The following FER variants were observed in gnomAD, a reference collection of about 807,000 sequenced individuals.
The protein encoded by FER is tyrosine-protein kinase Fer.
In FER, 63 loss-of-function variants were observed where a neutral mutation model predicts 111.0. The ratio of observed to expected loss-of-function variants is 0.57; its 90% confidence interval spans 0.46 to 0.70. The LOEUF (loss-of-function observed/expected upper bound fraction) is 0.70. FER is among the 30% of genes least tolerant of loss of function. The pLI is 0.00. For synonymous variants in FER, 327 were observed against 313.9 expected (o/e 1.04, Z -0.44); for missense variants, 914 against 954.0 (o/e 0.96, Z 0.55).
At chr5:108,772,519 G>C (rs1753039773) in intron 2 of FER, among the ~76,000 whole-genome samples, 1 of 151,030 alleles carries the variant, frequency 6.6e-6, no homozygotes, top group Non-Finnish European at 1.5e-5. Context: ...TCTGGGAATT[G>C]CCTGGTTTCT....
At chr5:108,968,933 T>C (rs185882727) in intron 13 of FER, among the ~76,000 whole-genome samples, 332 of 152,226 alleles carry the variant, frequency 2.2e-3, no homozygotes, top group African/African-American at 7.5e-3. Context: ...ATATTAAAGT[T>C]GATTTGCCCC....
chr5:108,772,498 T>C (rs1038787600), intron 2 of FER, among the ~76,000 whole-genome samples: 2 of 152,124 alleles, frequency 1.3e-5, no homozygotes, highest in African/African-American at 4.8e-5. Flanking sequence ...TTGTATGTAC[T>C]TAACATCTCT....
intron 16 of FER, among the ~76,000 whole-genome samples, chr5:109,088,958 C>G (rs181878596): frequency 6.6e-6 from 1 of 152,144 alleles, no homozygotes; most frequent in African/African-American, 2.4e-5. Context: ...AGGATAGTGA[C>G]TCACAAAGTT....
chr5:108,764,055 A>G (rs1172190531), intron 1 of FER, among the ~76,000 whole-genome samples: 1 of 152,148 alleles, frequency 6.6e-6, no homozygotes, highest in African/African-American at 2.4e-5. Context: ...GCGAGAAGGA[A>G]TATGCTGATT....
At chr5:109,043,965 G>A (rs566889479) in intron 14 of FER, among the ~76,000 whole-genome samples, 74 of 151,072 alleles carry the variant, frequency 4.9e-4, no homozygotes, top group Non-Finnish European at 7.1e-4. Context: ...GTGAGACTCT[G>A]TCTCAGAAAA....
chr5:108,998,094 C>T (rs1179021122), intron 13 of FER, among the ~76,000 whole-genome samples: 2 of 151,408 alleles, frequency 1.3e-5, no homozygotes, highest in African/African-American at 4.9e-5. Context: ...ACCTGCCGTA[C>T]CAGACCACTT....
At chr5:108,939,712 A>C (rs1356933590) in intron 10 of FER, among the ~76,000 whole-genome samples, 6 of 151,990 alleles carry the variant, frequency 3.9e-5, no homozygotes, top group African/African-American at 1.4e-4. Context: ...CTTTATTTAA[A>C]AATTTTAATT....
intron 10 of FER, among the ~76,000 whole-genome samples, chr5:108,909,925 T>G (rs1192308502): frequency 6.6e-6 from 1 of 151,786 alleles, no homozygotes; most frequent in Non-Finnish European, 1.5e-5. Context: ...TACTCAAATA[T>G]TTTTAAAAAG....
In FER at chr5:108,781,921, T is replaced by G. The variant is rs865968460; in HGVS notation, c.-60+13683T>G. Among the ~76,000 whole-genome samples, 446 of 116,618 alleles carry G rather than the reference T, an allele frequency of 3.8e-3. 4 individuals carry two copies. Among genetic ancestry groups the G allele is most frequent in the African/African-American group, 0.02 (428 of 21,800 alleles). The allele number at this position is 116,618 out of a possible 152,430, so 76.5% of individuals were successfully genotyped here. On this transcript the variant is annotated intron_variant, in intron 2 of 19. Transcript: ENST00000281092. ...CTCCCTCTGTCAGAAGTAATAGGGT[T>G]TTTTTTTTTTCCCCCACCCTGTCAT...
intron 13 of FER, among the ~76,000 whole-genome samples, chr5:109,022,348 C>A (rs996271604): frequency 9.9e-5 from 15 of 152,088 alleles, no homozygotes; most frequent in African/African-American, 3.1e-4. Flanking sequence ...AGAGATACCA[C>A]ATACTAGGCT....
At chr5:108,850,245 T>TC (rs1236215216) in intron 5 of FER, among the ~76,000 whole-genome samples, 1 of 152,056 alleles carries the variant, frequency 6.6e-6, no homozygotes, top group African/African-American at 2.4e-5. Context: ...TGTTTTTTTT[T>TC]CCTCTTGAAA....
At position 109,126,271 on chromosome 5, in the gene FER, A is replaced by C. The variant is rs558502752; in HGVS notation, c.2048+25752A>C. 1.3e-3 allele frequency among the ~76,000 whole-genome samples: 191 copies of C among 152,240 alleles called. 2 individuals carry two copies. Among genetic ancestry groups the C allele is most frequent in the Admixed American group, 2.1e-3 (32 of 15,298 alleles). ...TTGGCCCCATTTTAAGTGCACACGG[A>C]GTTAAGAACCCTGCGGTTTGCATGC... On this transcript the variant is annotated intron_variant, in intron 17 of 19. Transcript: ENST00000281092.
Position 108,793,789 on chromosome 5 carries a change from T to C in FER, c.-59-4335T>C, listed in dbSNP as rs13189154. On this transcript the variant is annotated intron_variant, in intron 2 of 19. Transcript: ENST00000281092. ...CTTAATTTTACTTTTTTTGTATTCA[T>C]TGTATGTTTTTTTGATTTGAGGTTA... Among the ~76,000 whole-genome samples the C allele has an allele frequency of 1.4e-4, 16 of 118,020 alleles. No individual in the cohort carries two copies. The South Asian group carries it at 3.9e-3, about 29-fold the overall frequency. 77.4% of individuals were successfully genotyped at this position (118,020 alleles called of 152,430 possible). A position where few individuals can be genotyped will look rare whatever the true frequency, so the allele number is the denominator to read the frequency against.
At chr5:109,163,982 A>G (rs1369578948) in intron 17 of FER, among the ~76,000 whole-genome samples, 2 of 152,216 alleles carry the variant, frequency 1.3e-5, no homozygotes, top group African/African-American at 2.4e-5. Context: ...TCCTTATTGC[A>G]TAGTGGTTGT....
intron 17 of FER, among the ~76,000 whole-genome samples, chr5:109,146,171 T>G: frequency 7.1e-6 from 1 of 141,380 alleles, no homozygotes; most frequent in Non-Finnish European, 1.5e-5. Flanking sequence ...TTACAGAATT[T>G]TGCAGCAAAA....
At chr5:109,157,760 G>C (rs1481643252) in intron 17 of FER, among the ~76,000 whole-genome samples, 1 of 152,058 alleles carries the variant, frequency 6.6e-6, no homozygotes, top group African/African-American at 2.4e-5. Flanking sequence ...AGTGGCATTT[G>C]AATACTGGGG....
intron 14 of FER, among the ~76,000 whole-genome samples, chr5:109,040,251 C>G (rs569448883): frequency 6.6e-6 from 1 of 152,038 alleles, no homozygotes; most frequent in Admixed American, 6.6e-5. Flanking sequence ...TAGTATATAG[C>G]TGGTACTTAC....
intron 19 of FER, 144 bp from the exon 20 acceptor site, chr5:109,187,289 C>A: frequency 2.6e-6 from 2 of 757,990 alleles, no homozygotes; most frequent in Non-Finnish European, 4.2e-6. Flanking sequence ...AAAATAAAAA[C>A]TCAGCCTCCC....
intron 13 of FER, among the ~76,000 whole-genome samples, chr5:109,036,159 T>C (rs1770364103): frequency 6.6e-6 from 1 of 152,168 alleles, no homozygotes; most frequent in Non-Finnish European, 1.5e-5. Flanking sequence ...TTTGATGAGG[T>C]CCAATTTTCA....
Sources: gnomAD v4.1 joint callset for allele counts (sites outside exome capture counted in the v4.1 genomes callset) on GRCh38, gnomAD v4.1.1 for gene constraint, MANE v1.5 for transcripts, NCBI Gene and HGNC (gene_info 2026-07-23, HGNC 2026-07-21) for gene names.